The following MTMR12 variants were observed in gnomAD, a reference collection of about 807,000 sequenced individuals.
MTMR12 encodes the protein myotubularin-related protein 12.
A neutral mutation model predicts 96.7 loss-of-function variants in MTMR12; 33 were observed. That is an observed-to-expected ratio of 0.34 (90% CI 0.26 to 0.46). The LOEUF (loss-of-function observed/expected upper bound fraction) is 0.46, where lower values mean the gene tolerates loss of function less well. Ranked by LOEUF, MTMR12 falls within the 20% of genes least tolerant of loss-of-function variation. The probability of loss-of-function intolerance (pLI) is 1.00; values close to 1 mark genes in which losing one functional copy is unlikely to be tolerated. For synonymous variants in MTMR12, 298 were observed against 327.2 expected, an observed-to-expected ratio of 0.91 and a Z score of 0.96; for missense variants, 721 against 896.1, an observed-to-expected ratio of 0.80 and a Z score of 2.49.
intron 6 of MTMR12, among the ~76,000 whole-genome samples, chr5:32,267,237 G>A (rs2112072347): frequency 6.6e-6 from 1 of 151,942 alleles, no homozygotes; most frequent in South Asian, 2.1e-4. Flanking sequence ...TTAGCCGGGC[G>A]TGGTGGTGTG....
intron 10 of MTMR12, among the ~76,000 whole-genome samples, chr5:32,247,210 TGAG>T (rs1420850729): frequency 2.0e-5 from 3 of 151,746 alleles, no homozygotes; most frequent in Non-Finnish European, 4.4e-5. Context: ...ATTAGCCAGG[TGAG>T]GAGGTGTGTG....
intron 1 of MTMR12, among the ~76,000 whole-genome samples, chr5:32,310,955 C>G (rs1334361999): frequency 1.3e-5 from 2 of 151,332 alleles, no homozygotes; most frequent in South Asian, 4.2e-4. Context: ...CTCACTGCAA[C>G]CTCTGCCTCC....
At chr5:32,304,965 T>C (rs1339188298) in intron 1 of MTMR12, among the ~76,000 whole-genome samples, 2 of 152,218 alleles carry the variant, frequency 1.3e-5, no homozygotes, top group Non-Finnish European at 2.9e-5. Context: ...GAGAGACCTT[T>C]AATGTCTTCT....
At position 32,274,016 on chromosome 5, in the gene MTMR12, G is replaced by A. The variant is rs1357893829; in HGVS notation, c.249C>T (p.Ala83=). The change falls in exon 3 of 16, where the codon GCC becomes GCT. Residue 83 remains alanine, a synonymous_variant. Coordinates refer to ENST00000382142, the MANE Select transcript of MTMR12 (RefSeq NM_001040446.3). ...ATGCAGATTCATCATCACCCAAGAA[G>A]GCAATCTTGAAGTCTGTGCAGACAA... ...GRLVCTDFKI[A]FLGDDESALD... is the part of the protein sequence containing the mutation. 4 of 1,614,058 alleles carry A rather than the reference G, an allele frequency of 2.5e-6. No homozygotes were observed. Among genetic ancestry groups the A allele is most frequent in the Middle Eastern group, 1.6e-4 (1 of 6,084 alleles).
chr5:32,250,290 G>T (rs1748865306), intron 8 of MTMR12, among the ~76,000 whole-genome samples: 2 of 152,158 alleles, frequency 1.3e-5, no homozygotes, highest in Admixed American at 1.3e-4. Context: ...AATGGGAGCT[G>T]ATGGTCTGCT....
intron 8 of MTMR12, among the ~76,000 whole-genome samples, chr5:32,250,451 T>A (rs1421750011): frequency 2.0e-5 from 3 of 152,222 alleles, no homozygotes; most frequent in Non-Finnish European, 4.4e-5. Context: ...GAACGTAAGA[T>A]AATCAAAGGG....
chr5:32,229,987 C>A lies in MTMR12; in HGVS notation c.2035G>T (p.Asp679Tyr), dbSNP rs779101505. 1 of 1,612,272 alleles carries A rather than the reference C, an allele frequency of 6.2e-7. No homozygotes were observed. The highest frequency in any genetic ancestry group is 8.5e-7 in the Non-Finnish European group (1 of 1,178,548). Residue 679 changes from aspartate (D) to tyrosine (Y), a missense_variant, in exon 16 of 16, where the codon GAC (aspartate) becomes TAC (tyrosine). Coordinates refer to ENST00000382142, the MANE Select transcript of MTMR12 (RefSeq NM_001040446.3). ...GCCTGCTGGCTGTGGTGTCTCTCGT[C>A]GATCTTCTCTTGTAAACTCTGGACT... Reference protein sequence around the residue: ...EEVQSLQEKIDERHHSQQAPQ... With the variant: ...EEVQSLQEKIYERHHSQQAPQ...
chr5:32,270,213 A>C (rs567953031), intron 5 of MTMR12, among the ~76,000 whole-genome samples: 1 of 152,228 alleles, frequency 6.6e-6, no homozygotes, highest in Non-Finnish European at 1.5e-5. Context: ...TCAAAAAAAA[A>C]AGAAAAAAAA....
intron 1 of MTMR12, among the ~76,000 whole-genome samples, chr5:32,308,072 C>A (rs928661299): frequency 6.6e-6 from 1 of 152,174 alleles, no homozygotes; most frequent in Non-Finnish European, 1.5e-5. Flanking sequence ...GCCTGTAATC[C>A]CAGCACTTTG....
chr5:32,292,587 A>G (rs1481581427), intron 1 of MTMR12, among the ~76,000 whole-genome samples: 2 of 152,220 alleles, frequency 1.3e-5, no homozygotes, highest in African/African-American at 2.4e-5. Context: ...TCTACTCTCC[A>G]TAATGGAGGT....
intron 15 of MTMR12, 70 bp from the exon 16 acceptor site, chr5:32,230,417 CAAAA>C (rs1376160698): frequency 1.4e-6 from 2 of 1,383,266 alleles, no homozygotes; most frequent in Non-Finnish European, 2.0e-6. Flanking sequence ...GTTACCATAA[CAAAA>C]AGAGCATAAC....
At chr5:32,270,765 G>C (rs1749798594) in intron 5 of MTMR12, 52 bp downstream of exon 5, 1 of 1,548,672 alleles carries the variant, frequency 6.5e-7, no homozygotes, top group Non-Finnish European at 8.7e-7. Flanking sequence ...ACTAGAGCTA[G>C]TGGGGAAAAC....
At chr5:32,308,318 T>C (rs963462152) in intron 1 of MTMR12, among the ~76,000 whole-genome samples, 4 of 150,000 alleles carry the variant, frequency 2.7e-5, no homozygotes, top group African/African-American at 4.9e-5. Flanking sequence ...CGAGGCTCCA[T>C]CTCAAAAAAA....
rs745842202 is a variant in MTMR12 at position 32,242,052 on chromosome 5, A to G, written c.1171+5T>C. The stretch of plus-strand genomic sequence containing the variant: ...AAATCATCCTTTGTGCTTCCTATAT[A>G]TTACCTAAAAGAAGAACATTCATGT... On this transcript the variant is annotated splice_donor_5th_base_variant and intron_variant, in intron 12 of 15. Coordinates refer to ENST00000382142, the MANE Select transcript of MTMR12 (RefSeq NM_001040446.3). 4.4e-6 allele frequency: 7 copies of G among 1,606,180 alleles called. No homozygotes were observed. In the African/African-American group the frequency reaches 5.4e-5, roughly 12 times the overall value.
intron 1 of MTMR12, among the ~76,000 whole-genome samples, chr5:32,310,540 G>T (rs1030840150): frequency 6.6e-6 from 1 of 152,174 alleles, no homozygotes; most frequent in Non-Finnish European, 1.5e-5. Flanking sequence ...AGTGAACTAC[G>T]CCAGGCGCAG....
At chr5:32,235,872 AG>A (rs921739703) in intron 13 of MTMR12, among the ~76,000 whole-genome samples, 2 of 152,196 alleles carry the variant, frequency 1.3e-5, no homozygotes, top group Admixed American at 6.5e-5. Context: ...TGATCCTGCC[AG>A]GGGGCTAAGA....
chr5:32,303,228 TATCATTATTCCC>T (rs1189563605), intron 1 of MTMR12, among the ~76,000 whole-genome samples: 1 of 152,242 alleles, frequency 6.6e-6, no homozygotes, highest in Admixed American at 6.5e-5. Context: ...AACATGGACA[TATCATTATTCCC>T]ATTTTCGAGG....
chr5:32,253,482 G>A (rs1420721007), intron 8 of MTMR12, among the ~76,000 whole-genome samples: 1 of 152,040 alleles, frequency 6.6e-6, no homozygotes, highest in Non-Finnish European at 1.5e-5. Context: ...AGAGATTGAG[G>A]GCTCTATGTT....
intron 1 of MTMR12, among the ~76,000 whole-genome samples, chr5:32,302,187 G>A (rs1207490384): frequency 6.6e-6 from 1 of 152,110 alleles, no homozygotes; most frequent in Non-Finnish European, 1.5e-5. Context: ...TGAAGGACAG[G>A]GTACGAGAGG....
Sources: allele counts gnomAD v4.1 joint callset (sites outside exome capture counted in the v4.1 genomes callset), GRCh38; gene constraint gnomAD v4.1.1; transcripts MANE v1.5; gene names NCBI Gene and HGNC (gene_info 2026-07-23, HGNC 2026-07-21).